FTO: variants seen among roughly 807,000 people sequenced by gnomAD.
FTO encodes alpha-ketoglutarate-dependent dioxygenase FTO.
FTO carries 47 observed loss-of-function variants against 63.9 expected under a neutral mutation model. The ratio of observed to expected loss-of-function variants is 0.74; its 90% CI spans 0.58 to 0.94. The LOEUF is 0.94. Ranked by LOEUF, FTO falls within the 40% of genes least tolerant of loss-of-function variation. FTO has a pLI of 0.00. For missense variants in FTO, 562 were observed against 618.1 expected (o/e 0.91, Z 0.96); for synonymous variants, 207 against 224.4 (o/e 0.92, Z 0.69).
Position 53,826,285 on chromosome 16 carries a change from G to T in FTO, c.545G>T (p.Gly182Val). The change falls in exon 3 of 9, where the codon GGT (glycine) becomes GTT (valine). Residue 182 changes from glycine to valine, a missense_variant. Transcript: ENST00000471389. ...GCAGATTTCCCCAGGGTTGGGATGGGTTCATCCTACAACGGACAAGATGAA... is the reference window on the plus strand; with the variant it reads ...GCAGATTTCCCCAGGGTTGGGATGGTTTCATCCTACAACGGACAAGATGAA... ...MSADFPRVGMGSSYNGQDEVD... is the reference protein window; with the variant it reads ...MSADFPRVGMVSSYNGQDEVD... The T allele has an allele frequency of 6.2e-7, 1 of 1,614,120 alleles. No individual in the cohort carries two copies. The highest frequency in any genetic ancestry group is 8.5e-7 in the Non-Finnish European group (1 of 1,179,964).
intron 8 of FTO, among the ~76,000 whole-genome samples, chr16:54,015,522 ATGG>A (rs1297922537): frequency 4.6e-5 from 7 of 152,014 alleles, no homozygotes; most frequent in African/African-American, 1.7e-4. Context: ...ACAAATGCCC[ATGG>A]CACAAATGCC....
chr16:54,041,299 C>T (rs535364221), intron 8 of FTO, among the ~76,000 whole-genome samples: 2 of 152,208 alleles, frequency 1.3e-5, no homozygotes, highest in South Asian at 4.1e-4. Flanking sequence ...CACTTTTAAA[C>T]CATCAGATCT....
At position 54,119,920 on chromosome 16, in the gene FTO, T is replaced by C. The variant is rs1371243940; in HGVS notation, c.*8005T>C. The C allele has an allele frequency of 2.6e-5, 4 of 152,230 alleles. No homozygotes were observed. The highest frequency in any genetic ancestry group is 5.9e-5 in the Non-Finnish European group (4 of 68,038). The allele number at this position is 152,230 out of a possible 1,614,324, so 9.4% of individuals were successfully genotyped here. On this transcript the variant is annotated 3_prime_UTR_variant, in exon 9 of 9. Transcript: ENST00000471389. ...CACTTCGACCAGAAATGTCTGTGTA[T>C]AGTTTTCAAAGAGATGCAGACCCTG... is the stretch of plus-strand genomic sequence containing the variant.
At chr16:53,723,352 A>G (rs1224412685) in intron 1 of FTO, among the ~76,000 whole-genome samples, 2 of 152,206 alleles carry the variant, frequency 1.3e-5, no homozygotes, top group African/African-American at 2.4e-5. Context: ...GAATGATTAT[A>G]AAGTTTTTAG....
At chr16:53,945,142 G>T (rs1017850956) in intron 8 of FTO, among the ~76,000 whole-genome samples, 3 of 152,156 alleles carry the variant, frequency 2.0e-5, no homozygotes, top group African/African-American at 7.2e-5. Flanking sequence ...AAAGTGGGAG[G>T]CATCTTCCAG....
rs367842643 is a variant in FTO at position 54,065,998 on chromosome 16, A to T, written c.1365-45764A>T. Reference sequence around the variant, plus strand: ...CTAACTTATACAGCTCAACTAACTTATACAGCAGAGCTGTTTAGACTAGCC... The same window carrying T: ...CTAACTTATACAGCTCAACTAACTTTTACAGCAGAGCTGTTTAGACTAGCC... On this transcript the variant is annotated intron_variant, in intron 8 of 8. Coordinates refer to ENST00000471389, the MANE Select transcript of FTO (RefSeq NM_001080432.3). 1.2e-4 allele frequency among the ~76,000 whole-genome samples: 19 copies of T among 152,318 alleles called. No homozygotes were observed. In the East Asian group the frequency reaches 2.9e-3, roughly 23 times the overall value.
chr16:53,862,688 A>G (rs1351146237), intron 4 of FTO, among the ~76,000 whole-genome samples: 2 of 151,578 alleles, frequency 1.3e-5, no homozygotes, highest in African/African-American at 4.8e-5. Flanking sequence ...GGCGCCTGCC[A>G]CCACACCCAG....
intron 8 of FTO, among the ~76,000 whole-genome samples, chr16:53,968,147 T>C (rs207475954): frequency 6.6e-6 from 1 of 152,210 alleles, no homozygotes; most frequent in Admixed American, 6.5e-5. Flanking sequence ...GTATGTGCAC[T>C]TAGGAACTTA....
intron 3 of FTO, among the ~76,000 whole-genome samples, chr16:53,835,052 T>C (rs2079251540): frequency 6.6e-6 from 1 of 152,226 alleles, no homozygotes; most frequent in African/African-American, 2.4e-5. Flanking sequence ...TTAATGGTAG[T>C]CTTGCTTTTT....
At chr16:53,726,559 A>T (rs545832792) in intron 1 of FTO, among the ~76,000 whole-genome samples, 5 of 152,312 alleles carry the variant, frequency 3.3e-5, no homozygotes, top group African/African-American at 9.6e-5. Flanking sequence ...CTTTGCATGC[A>T]TTTGTGATTT....
rs1400616279 is a variant in FTO at position 53,826,210 on chromosome 16, T to C, written c.470T>C (p.Leu157Pro). The change falls in exon 3 of 9, where the codon CTT becomes CCT. Residue 157 changes from leucine (L) to proline (P), a missense_variant. Coordinates refer to ENST00000471389, the MANE Select transcript of FTO (RefSeq NM_001080432.3). ...GAAACCATCCAGGCTTTGGAAGAAC[T>C]TGCTGCCAAAGAGAAGGCTAATGAG... Reference protein sequence around the residue: ...QIETIQALEELAAKEKANEDA... With the variant: ...QIETIQALEEPAAKEKANEDA... 6.2e-7 allele frequency: 1 copy of C among 1,614,056 alleles called. No individual in the cohort carries two copies. Among genetic ancestry groups the C allele is most frequent in the African/African-American group, 1.3e-5 (1 of 74,916 alleles).
chr16:53,847,874 C>G (rs946022376), intron 4 of FTO, among the ~76,000 whole-genome samples: 7 of 151,532 alleles, frequency 4.6e-5, no homozygotes, highest in African/African-American at 1.7e-4. Context: ...ACATTGGGTC[C>G]CTTGAGCTAT....
rs189895728 is a variant in FTO, at chr16:53,878,259, C to T, written c.976-1585C>T. ...GTTGCGGTGAGCCAAGATCATGCCA[C>T]GCCACTGTACTCTGGTCTGGGCCAG... On this transcript the variant is annotated intron_variant, in intron 5 of 8. Transcript: ENST00000471389. 5.2e-3 allele frequency among the ~76,000 whole-genome samples: 795 copies of T among 152,128 alleles called. 29 individuals carry two copies. Among genetic ancestry groups the T allele is most frequent in the Admixed American group, 0.05 (758 of 15,280 alleles).
chr16:53,873,375 A>C (rs1051084160), intron 4 of FTO, among the ~76,000 whole-genome samples: 3 of 152,014 alleles, frequency 2.0e-5, no homozygotes, highest in African/African-American at 7.2e-5. Context: ...AATTGTTAAT[A>C]GCATCCCCTT....
intron 4 of FTO, among the ~76,000 whole-genome samples, chr16:53,860,165 C>A (rs369298168): frequency 6.6e-6 from 1 of 152,112 alleles, no homozygotes; most frequent in South Asian, 2.1e-4. Flanking sequence ...AGAAGGAAAT[C>A]GTGTCATGTG....
At chr16:53,918,147 A>G (rs553134065) in intron 7 of FTO, among the ~76,000 whole-genome samples, 3 of 152,290 alleles carry the variant, frequency 2.0e-5, no homozygotes, top group African/African-American at 7.2e-5. Flanking sequence ...CATTGTCTCA[A>G]AATGAAAAGA....
At chr16:54,069,721 T>A (rs1451322066) in intron 8 of FTO, among the ~76,000 whole-genome samples, 1 of 152,166 alleles carries the variant, frequency 6.6e-6, no homozygotes, top group African/African-American at 2.4e-5. Context: ...GTGAATGCAT[T>A]AGCCAGGGTT....
At chr16:54,024,861 C>T (rs2144174813) in intron 8 of FTO, among the ~76,000 whole-genome samples, 1 of 152,240 alleles carries the variant, frequency 6.6e-6, no homozygotes, top group East Asian at 1.9e-4. Flanking sequence ...ATTTAAGCTG[C>T]AGTTTTTAGA....
In FTO at chr16:53,960,719, G is replaced by A. The variant is rs147899493; in HGVS notation, c.1364+26610G>A. The stretch of plus-strand genomic sequence containing the variant: ...GGTTCAATTACCAGAAATGGGGGTG[G>A]GGGGGGCGCGGTTACCTGAGATAAA... On this transcript the variant is annotated intron_variant, in intron 8 of 8. Coordinates refer to ENST00000471389, the MANE Select transcript of FTO (RefSeq NM_001080432.3). 8.4e-4 allele frequency among the ~76,000 whole-genome samples: 128 copies of A among 151,640 alleles called. 1 individual carries two copies. Among genetic ancestry groups the A allele is most frequent in the African/African-American group, 3.0e-3 (123 of 41,150 alleles).
Sources: gnomAD v4.1 joint callset for allele counts (sites outside exome capture counted in the v4.1 genomes callset) on GRCh38, gnomAD v4.1.1 for gene constraint, MANE v1.5 for transcripts, NCBI Gene and HGNC (gene_info 2026-07-23, HGNC 2026-07-21) for gene names.